The following CACNA2D4 variants were observed in gnomAD, a reference collection of about 807,000 sequenced individuals.
The protein encoded by CACNA2D4 is voltage-dependent calcium channel subunit alpha-2/delta-4.
CACNA2D4 carries 157 observed loss-of-function variants against 163.8 expected under a neutral mutation model. The observed-to-expected ratio is 0.96, with a 90% CI of 0.84 to 1.09. The LOEUF (loss-of-function observed/expected upper bound fraction) is 1.09, where lower values mean the gene tolerates loss of function less well. Among genes scored for constraint, CACNA2D4 ranks in the 50% least tolerant of loss-of-function variants. The pLI is 0.00. For missense variants in CACNA2D4, 1,410 were observed against 1,479.9 expected, an observed-to-expected ratio of 0.95 and a Z score of 0.78; for synonymous variants, 598 against 586.9, an observed-to-expected ratio of 1.02 and a Z score of -0.27.
intron 36 of CACNA2D4, 136 bp from the exon 37 acceptor site, chr12:1,795,517 G>T: frequency 1.0e-6 from 1 of 966,250 alleles, no homozygotes; most frequent in Non-Finnish European, 1.6e-6. Context: ...CAGCACCGGG[G>T]CCCAGGGAAG....
chr12:1,885,198 T>A, intron 9 of CACNA2D4, 122 bp from the exon 10 acceptor site: 2 of 791,182 alleles, frequency 2.5e-6, no homozygotes, highest in South Asian at 2.8e-5. Flanking sequence ...TCAGGGCCTG[T>A]GTCTCCATGA....
In CACNA2D4 at chr12:1,885,005, G is replaced by A. The variant is rs759950514; in HGVS notation, c.1140C>T (p.Ala380=). 1.9e-6 allele frequency: 3 copies of A among 1,613,902 alleles called. No individual in the cohort carries two copies. Among genetic ancestry groups the A allele is most frequent in the Non-Finnish European group, 2.5e-6 (3 of 1,179,816 alleles). The part of the protein sequence containing the change: ...VGVVDQALRE[A]FQILKQFQEA... Reference sequence around the variant, plus strand: ...TGGGCACCTGCTTCAGGATCTGGAAGGCTTCTCTCAGGGCTTGGTCCACGA... The same window carrying A: ...TGGGCACCTGCTTCAGGATCTGGAAAGCTTCTCTCAGGGCTTGGTCCACGA... The change falls in exon 10 of 38, where the codon GCC becomes GCT. Residue 380 remains alanine, a synonymous_variant. Transcript: ENST00000382722.
chr12:1,799,790 C>A lies in CACNA2D4; in HGVS notation c.2975-95G>T. The A allele has an allele frequency of 6.8e-7, 1 of 1,466,050 alleles. No homozygotes were observed. The highest frequency in any genetic ancestry group is 9.3e-7 in the Non-Finnish European group (1 of 1,070,480). The allele number at this position is 1,466,050 out of a possible 1,614,324, so 90.8% of individuals were successfully genotyped here. ...ATGTCATGGGGTGGTGATGATGGCA[C>A]ATGGAGTGGCGGTGTCCCAAGATGA... On this transcript the variant is annotated intron_variant, in intron 33 of 37. Coordinates refer to ENST00000382722, the MANE Select transcript of CACNA2D4 (RefSeq NM_172364.5). The surrounding 1 kb of genome is among the most constrained non-coding windows in gnomAD (Gnocchi z 4.7).
intron 29 of CACNA2D4, among the ~76,000 whole-genome samples, chr12:1,809,179 A>G (rs1483323166): frequency 6.6e-6 from 1 of 152,058 alleles, no homozygotes; most frequent in African/African-American, 2.4e-5. Context: ...TCCCTGCTCC[A>G]GTTCCTGCCC....
At chr12:1,893,989 C>T (rs532676598) in intron 6 of CACNA2D4, among the ~76,000 whole-genome samples, 48 of 151,810 alleles carry the variant, frequency 3.2e-4, no homozygotes, top group Non-Finnish European at 6.0e-4. Flanking sequence ...AAGATAAAAC[C>T]AATAAACTGC....
intron 6 of CACNA2D4, among the ~76,000 whole-genome samples, chr12:1,892,039 C>A (rs553267656): frequency 6.6e-6 from 1 of 152,266 alleles, no homozygotes; most frequent in African/African-American, 2.4e-5. Flanking sequence ...CCAAGTCTAG[C>A]AAGCGATTAT....
rs555510817 is a variant in CACNA2D4, at chr12:1,817,635, C to T, written c.2552-5912G>A. 2.6e-4 allele frequency among the ~76,000 whole-genome samples: 40 copies of T among 152,296 alleles called. No homozygotes were observed. In the South Asian group the frequency reaches 6.6e-3, roughly 25 times the overall value. On this transcript the variant is annotated intron_variant, in intron 26 of 37. Transcript: ENST00000382722. ...AGTGCCTGCGATTGCAGGCGTGCGC[C>T]GCCACGCCTGACTGGTTTTCATATT... is the stretch of plus-strand genomic sequence containing the variant.
intron 26 of CACNA2D4, among the ~76,000 whole-genome samples, chr12:1,839,520 C>T (rs374663078): frequency 1.1e-4 from 16 of 152,240 alleles, no homozygotes; most frequent in African/African-American, 3.4e-4. Flanking sequence ...CAACGAGAGG[C>T]GGTCTGCGTT....
intron 13 of CACNA2D4, 27 bp from the exon 14 acceptor site, chr12:1,879,908 A>T (rs2154449480): frequency 6.4e-7 from 1 of 1,553,776 alleles, no homozygotes; most frequent in Admixed American, 1.9e-5. Context: ...AACAGGGGTC[A>T]GAAGGTGCGG....
chr12:1,911,642 G>T (rs940752889), intron 3 of CACNA2D4, among the ~76,000 whole-genome samples: 2 of 152,164 alleles, frequency 1.3e-5, no homozygotes, highest in Non-Finnish European at 2.9e-5. Flanking sequence ...AGGAGGCGCA[G>T]GGACCGGTCC....
At position 1,798,601 on chromosome 12, in the gene CACNA2D4, G is replaced by A. The variant is rs1451003146; in HGVS notation, c.2996-1066C>T. ...AGTGGCGTCCCCAGGGTCACGCAGT[G>A]GAAGGGGCTGCAGCACCTACGCCCC... On this transcript the variant is annotated intron_variant, in intron 34 of 37. Coordinates refer to ENST00000382722, the MANE Select transcript of CACNA2D4 (RefSeq NM_172364.5). This position sits in a 1 kb window ranked among gnomAD's most constrained non-coding sequence, Gnocchi z 4.3. Among the ~76,000 whole-genome samples the A allele has an allele frequency of 6.6e-6, 1 of 152,156 alleles. No individual in the cohort carries two copies. Among genetic ancestry groups the A allele is most frequent in the East Asian group, 1.9e-4 (1 of 5,174 alleles).
chr12:1,896,640 C>CACACACAA (rs1866410796), intron 6 of CACNA2D4, among the ~76,000 whole-genome samples: 2 of 112,958 alleles, frequency 1.8e-5, no homozygotes, highest in African/African-American at 4.1e-5. Flanking sequence ...CACACACACA[C>CACACACAA]ACACACACAC....
intron 6 of CACNA2D4, among the ~76,000 whole-genome samples, chr12:1,887,341 C>T (rs886335847): frequency 6.6e-6 from 1 of 152,208 alleles, no homozygotes; most frequent in Non-Finnish European, 1.5e-5. Flanking sequence ...GAGGCAAAAC[C>T]TCATATCAAA....
intron 25 of CACNA2D4, among the ~76,000 whole-genome samples, chr12:1,841,142 G>A (rs1865015478): frequency 6.6e-6 from 1 of 152,238 alleles, no homozygotes; most frequent in South Asian, 2.1e-4. Flanking sequence ...TGTATCCAGT[G>A]ATCCCTTCCA....
In CACNA2D4 at chr12:1,883,918, G is replaced by A; in HGVS notation, c.1351+325C>T. The A allele has an allele frequency of 2.9e-6, 1 of 346,186 alleles. No homozygotes were observed. Among genetic ancestry groups the A allele is most frequent in the African/African-American group, 2.0e-5 (1 of 49,234 alleles). The allele number at this position is 346,186 out of a possible 1,614,324, so 21.4% of individuals were successfully genotyped here. On this transcript the variant is annotated intron_variant, in intron 12 of 37. Transcript: ENST00000382722. The surrounding 1 kb of genome is among the most constrained non-coding windows in gnomAD (Gnocchi z 4.5). Reference sequence around the variant, plus strand: ...AATTTTTGTTGAATCAATGGGGTCTGGTCAGAGATAGATGAGGACCATTCA... The same window carrying A: ...AATTTTTGTTGAATCAATGGGGTCTAGTCAGAGATAGATGAGGACCATTCA...
chr12:1,800,490 GCCC>G, intron 31 of CACNA2D4, 52 bp from the exon 32 acceptor site: 1 of 1,382,218 alleles, frequency 7.2e-7, no homozygotes, highest in Non-Finnish European at 9.9e-7. Flanking sequence ...GGGTGAGGGT[GCCC>G]CCCCCCCACC....
intron 30 of CACNA2D4, 121 bp from the exon 31 acceptor site, chr12:1,801,239 A>ACAG (rs1863313960): frequency 3.8e-6 from 3 of 781,210 alleles, no homozygotes; most frequent in Non-Finnish European, 6.8e-6. Context: ...CTGAGCTAGG[A>ACAG]CAGCAGATCA....
In CACNA2D4 at chr12:1,829,976, G is replaced by A. The variant is rs893439469; in HGVS notation, c.2551+10763C>T. Among the ~76,000 whole-genome samples, 2 of 152,210 alleles carry A rather than the reference G, an allele frequency of 1.3e-5. No individual in the cohort carries two copies. The highest frequency in any genetic ancestry group is 2.1e-4 in the South Asian group (1 of 4,830). The stretch of plus-strand genomic sequence containing the variant: ...GCTGCATAATGGAAGGCACTGCTCT[G>A]ATGTGATTGTTCCCTGAGGGTTACT... On this transcript the variant is annotated intron_variant, in intron 26 of 37. Transcript: ENST00000382722. This position sits in a 1 kb window ranked among gnomAD's most constrained non-coding sequence, Gnocchi z 4.2.
intron 31 of CACNA2D4, chr12:1,800,801 A>T: frequency 1.7e-6 from 1 of 596,370 alleles, no homozygotes; most frequent in South Asian, 2.0e-5. Flanking sequence ...TGTCTCCGCC[A>T]GAGGCACTGT....
Sources: gnomAD v4.1 joint callset for allele counts (sites outside exome capture counted in the v4.1 genomes callset) on GRCh38, gnomAD v4.1.1 for gene constraint, Gnocchi (gnomAD v3.1) non-coding constraint, MANE v1.5 for transcripts, NCBI Gene and HGNC (gene_info 2026-07-23, HGNC 2026-07-21) for gene names.